Variants in SYCP2L observed in about 807,000 individuals in gnomAD.
The protein encoded by SYCP2L is synaptonemal complex protein 2-like.
SYCP2L carries 98 observed loss-of-function variants against 125.8 expected under a neutral mutation model. That is an observed-to-expected ratio of 0.78 (90% CI 0.66 to 0.92). SYCP2L has a LOEUF of 0.92. Among genes scored for constraint, SYCP2L ranks in the 40% least tolerant of loss-of-function variants. The pLI is 0.00. For synonymous variants in SYCP2L, 317 were observed against 325.4 expected, an observed-to-expected ratio of 0.97 and a Z score of 0.28; for missense variants, 842 against 936.4, an observed-to-expected ratio of 0.90 and a Z score of 1.32.
chr6:10,893,306 A>G (rs956095444), intron 2 of SYCP2L, among the ~76,000 whole-genome samples: 2 of 152,188 alleles, frequency 1.3e-5, no homozygotes, highest in African/African-American at 4.8e-5. Flanking sequence ...CCCTTCAAGT[A>G]TATGTACTTA....
intron 1 of SYCP2L, among the ~76,000 whole-genome samples, chr6:10,890,015 C>T (rs544566077): frequency 3.9e-5 from 6 of 152,232 alleles, no homozygotes; most frequent in African/African-American, 1.4e-4. Context: ...CCTTCAGGCT[C>T]ATGCATGTTA....
At chr6:10,911,410 A>G (rs1018655456) in intron 12 of SYCP2L, among the ~76,000 whole-genome samples, 12 of 152,116 alleles carry the variant, frequency 7.9e-5, no homozygotes, top group African/African-American at 2.9e-4. Context: ...TCAGGCTAAA[A>G]TATTTAGAGG....
intron 23 of SYCP2L, among the ~76,000 whole-genome samples, chr6:10,947,478 T>G (rs988727658): frequency 6.6e-6 from 1 of 152,068 alleles, no homozygotes; most frequent in Non-Finnish European, 1.5e-5. Flanking sequence ...TTTTAAAGTT[T>G]TCTCTGTGAA....
At chr6:10,893,811 A>T in intron 2 of SYCP2L, 56 bp from the exon 3 acceptor site, 1 of 1,564,394 alleles carries the variant, frequency 6.4e-7, no homozygotes, top group Non-Finnish European at 8.7e-7. Flanking sequence ...TTAGAAAATT[A>T]CTATAAAATA....
intron 21 of SYCP2L, among the ~76,000 whole-genome samples, chr6:10,941,818 G>A (rs1329774519): frequency 2.0e-5 from 3 of 152,096 alleles, no homozygotes; most frequent in Non-Finnish European, 4.4e-5. Context: ...ATACCCAAAG[G>A]ATTATAAAAC....
chr6:10,912,741 C>A lies in SYCP2L; in HGVS notation c.987C>A (p.Val329=). ...WIDFNLGSQS[V]TFYIDNAENT... is the part of the protein sequence containing the mutation. ...ACTTCAACCTAGGAAGTCAGAGTGT[C>A]ACTTTTTATATAGACAATGCTGAGG... is the stretch of plus-strand genomic sequence containing the variant. Residue 329 remains valine, a synonymous_variant, in exon 13 of 30, where the codon GTC becomes GTA. Transcript: ENST00000283141. This position sits in a 1 kb window ranked among gnomAD's most constrained non-coding sequence, Gnocchi z 4.1. The A allele has an allele frequency of 6.2e-7, 1 of 1,613,788 alleles. No individual in the cohort carries two copies. Among genetic ancestry groups the A allele is most frequent in the South Asian group, 1.1e-5 (1 of 91,024 alleles).
chr6:10,907,530 T>A lies in SYCP2L; in HGVS notation c.677-12T>A. On this transcript the variant is annotated splice_polypyrimidine_tract_variant and intron_variant, in intron 9 of 29. Coordinates refer to ENST00000283141, the MANE Select transcript of SYCP2L (RefSeq NM_001040274.3). ...CAGAATTATCTATGTCTACTATGTT[T>A]TTAATCTCTAGATTATGACCAGCAG... The A allele has an allele frequency of 6.2e-7, 1 of 1,606,342 alleles. No individual in the cohort carries two copies. Among genetic ancestry groups the A allele is most frequent in the Non-Finnish European group, 8.5e-7 (1 of 1,177,492 alleles).
In SYCP2L at chr6:10,934,148, G is replaced by T. The variant is rs141565800; in HGVS notation, c.1684-910G>T. 4.2e-3 allele frequency among the ~76,000 whole-genome samples: 635 copies of T among 152,180 alleles called. 3 individuals are homozygous for T. The highest frequency in any genetic ancestry group is 0.014 in the African/African-American group (596 of 41,526). ...CTGTCTCTCTCTTAACTAAATCTCT[G>T]AAATAAGCTTGCTTTATTCTCCCTC... is the stretch of plus-strand genomic sequence containing the variant. On this transcript the variant is annotated intron_variant, in intron 20 of 29. Coordinates refer to ENST00000283141, the MANE Select transcript of SYCP2L (RefSeq NM_001040274.3).
chr6:10,937,771 C>T (rs1161119688), intron 21 of SYCP2L, among the ~76,000 whole-genome samples: 1 of 151,950 alleles, frequency 6.6e-6, no homozygotes, highest in African/African-American at 2.4e-5. Context: ...GATCATAAGC[C>T]ATTACAACAA....
intron 16 of SYCP2L, among the ~76,000 whole-genome samples, chr6:10,926,931 C>A (rs1780907710): frequency 6.6e-6 from 1 of 152,138 alleles, no homozygotes; most frequent in Non-Finnish European, 1.5e-5. Context: ...AGGTGTGTGC[C>A]ACCATGCCCA....
chr6:10,907,910 T>TTTTTTTTTTTTTTTTTTTTTG (rs1227178228), intron 10 of SYCP2L, among the ~76,000 whole-genome samples: 1 of 146,984 alleles, frequency 6.8e-6, no homozygotes, highest in African/African-American at 2.5e-5. Context: ...TTTTTTTTTT[T>TTTTTTTTTTTTTTTTTTTTTG]GACAGAGTCT....
At chr6:10,927,185 G>T in intron 16 of SYCP2L, 55 bp from the exon 17 acceptor site, 1 of 1,600,958 alleles carries the variant, frequency 6.2e-7, no homozygotes, top group Non-Finnish European at 8.5e-7. Flanking sequence ...GACCACTGGT[G>T]AGTATGTCAG....
chr6:10,967,663 T>C (rs1012536429), intron 29 of SYCP2L, among the ~76,000 whole-genome samples: 6 of 152,154 alleles, frequency 3.9e-5, no homozygotes, highest in African/African-American at 1.4e-4. Flanking sequence ...TCAGCACCCA[T>C]TCATGAGTAA....
chr6:10,894,505 A>T (rs1014977273), intron 4 of SYCP2L, among the ~76,000 whole-genome samples: 1 of 152,200 alleles, frequency 6.6e-6, no homozygotes, highest in African/African-American at 2.4e-5. Flanking sequence ...GGGGAAAATG[A>T]GTAGGAGTAG....
chr6:10,900,848 C>G (rs917979351), intron 6 of SYCP2L, among the ~76,000 whole-genome samples: 1 of 152,186 alleles, frequency 6.6e-6, no homozygotes, highest in Non-Finnish European at 1.5e-5. Context: ...CTCTGGTCAC[C>G]TTAGCGGGGC....
intron 20 of SYCP2L, among the ~76,000 whole-genome samples, chr6:10,932,129 G>A (rs1285219620): frequency 6.6e-6 from 1 of 151,374 alleles, no homozygotes; most frequent in Non-Finnish European, 1.5e-5. Context: ...TGTTGGTTTA[G>A]TTCTTCCCTT....
At position 10,906,171 on chromosome 6, in the gene SYCP2L, GTTTTA is replaced by G. The variant is rs1780485123; in HGVS notation, c.676+123_676+127del. The G allele has an allele frequency of 6.8e-6, 4 of 586,486 alleles. No individual in the cohort carries two copies. In the South Asian group the frequency reaches 1.2e-4, roughly 17 times the overall value. 36.3% of individuals were successfully genotyped at this position (586,486 alleles called of 1,614,324 possible). A position where few individuals can be genotyped will look rare whatever the true frequency, so the allele number is the denominator to read the frequency against. ...GGTTAAATTGAAGATAGGAATCAGGGTTTTATTTTAAATTTATTTTGAGAGATTTT... is the reference window on the plus strand; with the variant it reads ...GGTTAAATTGAAGATAGGAATCAGGGTTTTAAATTTATTTTGAGAGATTTT... On this transcript the variant is annotated intron_variant, in intron 9 of 29. Transcript: ENST00000283141.
rs888269014 is a variant in SYCP2L, at chr6:10,958,951, C to G, written c.2255+76C>G. 5 of 1,305,998 alleles carry G rather than the reference C, an allele frequency of 3.8e-6. No individual in the cohort carries two copies. The Admixed American group carries it at 9.1e-5, about 24-fold the overall frequency. 80.9% of individuals were successfully genotyped at this position (1,305,998 alleles called of 1,614,324 possible). A position where few individuals can be genotyped will look rare whatever the true frequency, so the allele number is the denominator to read the frequency against. ...CAGCGTTTATCTCATGACCACTGTG[C>G]TAGGGCCCTGAGGAGTTGGGGCCTG... is the stretch of plus-strand genomic sequence containing the variant. On this transcript the variant is annotated intron_variant, in intron 26 of 29. Transcript: ENST00000283141.
intron 14 of SYCP2L, among the ~76,000 whole-genome samples, chr6:10,919,079 C>T (rs1235748432): frequency 6.6e-6 from 1 of 152,130 alleles, no homozygotes; most frequent in Non-Finnish European, 1.5e-5. Context: ...TCAGGTACAT[C>T]AGGGATTTCT....
Sources: allele counts gnomAD v4.1 joint callset (sites outside exome capture counted in the v4.1 genomes callset), GRCh38; gene constraint gnomAD v4.1.1; non-coding constraint Gnocchi (gnomAD v3.1); transcripts MANE v1.5; gene names NCBI Gene and HGNC (gene_info 2026-07-23, HGNC 2026-07-21).